The following BCAR3 variants were observed in gnomAD, a reference collection of about 807,000 sequenced individuals.
BCAR3 encodes the protein BCAR3 adaptor protein, NSP family member.
A neutral mutation model predicts 80.1 loss-of-function variants in BCAR3; 37 were observed. The ratio of observed to expected loss-of-function variants is 0.46; its 90% CI spans 0.36 to 0.61. BCAR3 has a LOEUF of 0.61. Among genes scored for constraint, BCAR3 ranks in the 20% least tolerant of loss-of-function variants. BCAR3 has a pLI of 0.00. For synonymous variants in BCAR3, 389 were observed against 418.9 expected (o/e 0.93, Z 0.87); for missense variants, 978 against 1,068.2 (o/e 0.92, Z 1.18).
chr1:93,689,247 G>T (rs996358324), intron 3 of BCAR3, among the ~76,000 whole-genome samples: 1 of 152,078 alleles, frequency 6.6e-6, no homozygotes, highest in African/African-American at 2.4e-5. Context: ...AGCACTTTGG[G>T]AGGTTGAGGC....
At chr1:93,732,395 A>G (rs993614326) in intron 2 of BCAR3, among the ~76,000 whole-genome samples, 3 of 152,154 alleles carry the variant, frequency 2.0e-5, no homozygotes, top group African/African-American at 7.2e-5. Flanking sequence ...TTGGTACATC[A>G]CGTGAAGCCA....
At chr1:93,731,026 T>C (rs1571080330) in intron 2 of BCAR3, among the ~76,000 whole-genome samples, 2 of 152,334 alleles carry the variant, frequency 1.3e-5, no homozygotes, top group African/African-American at 4.8e-5. Context: ...CCAGAATTCA[T>C]AACCTTAGTC....
intron 11 of BCAR3, among the ~76,000 whole-genome samples, chr1:93,566,642 A>G (rs924204476): frequency 7.9e-5 from 12 of 152,162 alleles, no homozygotes; most frequent in African/African-American, 2.7e-4. Flanking sequence ...AGGAATGCAG[A>G]TAAATGAGGT....
intron 2 of BCAR3, among the ~76,000 whole-genome samples, chr1:93,653,465 C>T (rs993715431): frequency 6.6e-6 from 1 of 152,200 alleles, no homozygotes; most frequent in Non-Finnish European, 1.5e-5. Flanking sequence ...TTTCCCTCTA[C>T]AGGGTGAGCT....
At chr1:93,720,857 T>G (rs1265569730) in intron 2 of BCAR3, among the ~76,000 whole-genome samples, 1 of 151,904 alleles carries the variant, frequency 6.6e-6, no homozygotes, top group Non-Finnish European at 1.5e-5. Flanking sequence ...GGGAGAAGAA[T>G]GAAGAAGCTG....
chr1:93,634,407 T>A (rs1675714431), intron 3 of BCAR3, among the ~76,000 whole-genome samples: 1 of 151,998 alleles, frequency 6.6e-6, no homozygotes, highest in Non-Finnish European at 1.5e-5. Context: ...AATGGGGAGT[T>A]TTGGCTGGGC....
At chr1:93,587,920 A>G (rs1015475132) in intron 5 of BCAR3, among the ~76,000 whole-genome samples, 6 of 152,144 alleles carry the variant, frequency 3.9e-5, no homozygotes, top group Non-Finnish European at 7.3e-5. Context: ...ATGCAGGCCA[A>G]CGTCGCTGAC....
chr1:93,715,502 G>A (rs1056689042), intron 2 of BCAR3, among the ~76,000 whole-genome samples: 5 of 152,074 alleles, frequency 3.3e-5, no homozygotes, highest in African/African-American at 1.2e-4. Context: ...GATGGGGCTG[G>A]GATTCTTACT....
intron 3 of BCAR3, among the ~76,000 whole-genome samples, chr1:93,641,208 G>A (rs141244247): frequency 9.4e-4 from 143 of 152,224 alleles, no homozygotes; most frequent in African/African-American, 3.3e-3. Context: ...CACTACGACC[G>A]CCCCAAGTGG....
chr1:93,563,929 G>C (rs1190973722), intron 11 of BCAR3, among the ~76,000 whole-genome samples: 1 of 152,004 alleles, frequency 6.6e-6, no homozygotes, highest in Non-Finnish European at 1.5e-5. Flanking sequence ...TTTGACCTCA[G>C]GTGATCCACC....
At chr1:93,607,349 G>A (rs1674800522) in intron 3 of BCAR3, among the ~76,000 whole-genome samples, 1 of 152,134 alleles carries the variant, frequency 6.6e-6, no homozygotes, top group South Asian at 2.1e-4. Flanking sequence ...ACCACAGCAT[G>A]TTTCTAAGCT....
intron 2 of BCAR3, among the ~76,000 whole-genome samples, chr1:93,745,705 C>A (rs1351447649): frequency 6.6e-6 from 1 of 152,180 alleles, no homozygotes; most frequent in Non-Finnish European, 1.5e-5. Flanking sequence ...GCAACCCTAT[C>A]TACTTGTTCA....
intron 2 of BCAR3, among the ~76,000 whole-genome samples, chr1:93,829,897 G>A (rs2100831831): frequency 6.6e-6 from 1 of 152,272 alleles, no homozygotes; most frequent in South Asian, 2.1e-4. Flanking sequence ...GATCATGGGG[G>A]TGGAATTCTC....
intron 2 of BCAR3, among the ~76,000 whole-genome samples, chr1:93,827,986 C>A (rs762903759): frequency 6.6e-6 from 1 of 152,100 alleles, no homozygotes; most frequent in Non-Finnish European, 1.5e-5. Flanking sequence ...ACAATTCCTG[C>A]AGGGGATAGT....
chr1:93,613,974 T>G (rs1570970516), intron 3 of BCAR3: 1 of 1,548,564 alleles, frequency 6.5e-7, no homozygotes, highest in Non-Finnish European at 8.7e-7. Context: ...TCTTTAGGGT[T>G]AAAAGAAAGG....
At chr1:93,820,372 C>T (rs1161286761) in intron 2 of BCAR3, among the ~76,000 whole-genome samples, 1 of 152,152 alleles carries the variant, frequency 6.6e-6, no homozygotes, top group Non-Finnish European at 1.5e-5. Context: ...TAAAACTGAC[C>T]CCCACTTCAG....
intron 3 of BCAR3, among the ~76,000 whole-genome samples, chr1:93,639,171 A>C (rs1675898871): frequency 6.6e-6 from 1 of 152,190 alleles, no homozygotes; most frequent in Non-Finnish European, 1.5e-5. Context: ...CCGGTAGCTA[A>C]GCAACCGAGA....
rs114119945 is a variant in BCAR3, at chr1:93,817,328, T to C, written c.-63+28239A>G. The stretch of plus-strand genomic sequence containing the variant: ...ATGGTCTGGCATTGCTCTCTGGTTT[T>C]TGGGGCTGAGAGCCCAGCATTCCCA... On this transcript the variant is annotated intron_variant, in intron 2 of 13. Transcript: ENST00000370244. 9.0e-3 allele frequency among the ~76,000 whole-genome samples: 1,372 copies of C among 152,358 alleles called. 22 individuals carry two copies. Among genetic ancestry groups the C allele is most frequent in the African/African-American group, 0.031 (1,276 of 41,582 alleles).
intron 2 of BCAR3, among the ~76,000 whole-genome samples, chr1:93,774,518 T>G (rs944741882): frequency 6.6e-6 from 1 of 150,732 alleles, no homozygotes; most frequent in Non-Finnish European, 1.5e-5. Flanking sequence ...AACCAAACTA[T>G]GTACATTTTG....
Sources: allele counts gnomAD v4.1 joint callset (sites outside exome capture counted in the v4.1 genomes callset), GRCh38; gene constraint gnomAD v4.1.1; transcripts MANE v1.5; gene names NCBI Gene and HGNC (gene_info 2026-07-23, HGNC 2026-07-21).